Variants in CCDC102B observed in about 807,000 individuals in gnomAD.
CCDC102B encodes the protein coiled-coil domain-containing protein 102B.
In CCDC102B, 75 loss-of-function variants were observed where a neutral mutation model predicts 57.4. The ratio of observed to expected loss-of-function variants is 1.31; its 90% confidence interval spans 1.08 to 1.58. The LOEUF is 1.58. CCDC102B is among the 40% of genes most tolerant of loss of function. The pLI is 0.00. For synonymous variants in CCDC102B, 206 were observed against 201.9 expected, an observed-to-expected ratio of 1.02 and a Z score of -0.17; for missense variants, 636 against 582.6, an observed-to-expected ratio of 1.09 and a Z score of -0.94.
At chr18:68,923,532 A>G (rs1014536157) in intron 6 of CCDC102B, among the ~76,000 whole-genome samples, 3 of 152,016 alleles carry the variant, frequency 2.0e-5, no homozygotes, top group African/African-American at 7.2e-5. Context: ...TGAATATGAC[A>G]TCATAAAAAG....
At chr18:69,048,465 G>T (rs1018916391) in intron 7 of CCDC102B, among the ~76,000 whole-genome samples, 1 of 152,042 alleles carries the variant, frequency 6.6e-6, no homozygotes, top group Non-Finnish European at 1.5e-5. Flanking sequence ...ACAAATATGT[G>T]TGAGTTTGAT....
chr18:68,724,761 C>G (rs1015862090), intron 2 of CCDC102B, among the ~76,000 whole-genome samples: 2 of 152,176 alleles, frequency 1.3e-5, no homozygotes, highest in Admixed American at 6.5e-5. Flanking sequence ...AAGTTCCAAA[C>G]TTTCCCACAT....
At chr18:69,038,084 C>T (rs981445245) in intron 7 of CCDC102B, among the ~76,000 whole-genome samples, 1 of 151,944 alleles carries the variant, frequency 6.6e-6, no homozygotes, top group Admixed American at 6.6e-5. Context: ...ACAGCCACCT[C>T]TATCACTATT....
At chr18:68,791,962 A>G (rs1016594196) in intron 2 of CCDC102B, among the ~76,000 whole-genome samples, 17 of 152,162 alleles carry the variant, frequency 1.1e-4, no homozygotes, top group African/African-American at 4.1e-4. Context: ...GGTTTGCACA[A>G]CTAAATGTGC....
chr18:68,911,669 G>A lies in CCDC102B; in HGVS notation c.1263+14241G>A, dbSNP rs969791213. Among the ~76,000 whole-genome samples the A allele has an allele frequency of 5.7e-5, 8 of 139,560 alleles. No individual in the cohort carries two copies. The East Asian group carries it at 6.4e-4, about 11-fold the overall frequency. The allele number at this position is 139,560 out of a possible 152,430, so 91.6% of individuals were successfully genotyped here. ...CGAGAGGCTGAGGCAGGAGAATGGC[G>A]TGAACCCGGGAGGCGGAGCTTGCAG... On this transcript the variant is annotated intron_variant, in intron 6 of 7. Transcript: ENST00000360242.
intron 1 of CCDC102B, among the ~76,000 whole-genome samples, chr18:68,835,311 T>C (rs777173151): frequency 1.3e-5 from 2 of 152,194 alleles, no homozygotes; most frequent in East Asian, 1.9e-4. Flanking sequence ...TTCTAAGCGA[T>C]AGTCATAACT....
chr18:68,886,229 T>TA (rs2144976029), intron 5 of CCDC102B, among the ~76,000 whole-genome samples: 2 of 152,018 alleles, frequency 1.3e-5, no homozygotes, highest in South Asian at 4.1e-4. Flanking sequence ...CAAGAAATAA[T>TA]AGACATTATA....
chr18:68,765,309 G>GA (rs1292462197), intron 2 of CCDC102B, among the ~76,000 whole-genome samples: 8 of 62,630 alleles, frequency 1.3e-4, no homozygotes, highest in East Asian at 6.9e-4. Context: ...AGGAAGGAAG[G>GA]AAGGAAGGAA....
chr18:69,001,874 C>T (rs1437506023), intron 6 of CCDC102B, among the ~76,000 whole-genome samples: 1 of 152,168 alleles, frequency 6.6e-6, no homozygotes, highest in Admixed American at 6.5e-5. Context: ...TCCCCTTGTC[C>T]AGTTTCCCTG....
chr18:68,851,791 A>T (rs965324182), intron 4 of CCDC102B, among the ~76,000 whole-genome samples: 2 of 152,208 alleles, frequency 1.3e-5, no homozygotes, highest in African/African-American at 4.8e-5. Context: ...GACTAAAAAT[A>T]TATAAGGAGT....
At chr18:68,813,872 T>C (rs1203517483) in intron 1 of CCDC102B, among the ~76,000 whole-genome samples, 1 of 151,662 alleles carries the variant, frequency 6.6e-6, no homozygotes, top group Non-Finnish European at 1.5e-5. Flanking sequence ...AACGATGTGA[T>C]AGTATTTGGA....
At chr18:68,762,728 A>T (rs2034293668) in intron 2 of CCDC102B, among the ~76,000 whole-genome samples, 1 of 152,200 alleles carries the variant, frequency 6.6e-6, no homozygotes, top group South Asian at 2.1e-4. Flanking sequence ...GGAAAACAGA[A>T]TTCATGCTAC....
At chr18:68,944,000 G>T (rs371013039) in intron 6 of CCDC102B, among the ~76,000 whole-genome samples, 1 of 152,114 alleles carries the variant, frequency 6.6e-6, no homozygotes, top group Non-Finnish European at 1.5e-5. Context: ...ATGCTATGCC[G>T]GACAGGGACT....
intron 6 of CCDC102B, among the ~76,000 whole-genome samples, chr18:68,961,406 CA>C (rs2050045495): frequency 6.6e-6 from 1 of 151,768 alleles, no homozygotes; most frequent in African/African-American, 2.4e-5. Context: ...AGGATTATGA[CA>C]AAAATTTTTA....
At position 69,030,332 on chromosome 18, in the gene CCDC102B, T is replaced by G. The variant is rs577567677; in HGVS notation, c.1434+19228T>G. On this transcript the variant is annotated intron_variant, in intron 7 of 7. Transcript: ENST00000360242. ...ACCTATTGATATAAATCCTGATTATTTCAGATAATAGTCATCAATATTATA... is the reference window on the plus strand; with the variant it reads ...ACCTATTGATATAAATCCTGATTATGTCAGATAATAGTCATCAATATTATA... Among the ~76,000 whole-genome samples, 120 of 152,162 alleles carry G rather than the reference T, an allele frequency of 7.9e-4. 1 individual carries two copies. Among genetic ancestry groups the G allele is most frequent in the Admixed American group, 3.9e-4 (6 of 15,272 alleles).
chr18:68,849,269 C>A (rs927288228), intron 4 of CCDC102B, among the ~76,000 whole-genome samples: 2 of 152,074 alleles, frequency 1.3e-5, no homozygotes, highest in East Asian at 3.9e-4. Flanking sequence ...TACATCAAGG[C>A]AAGGTCCTTG....
intron 2 of CCDC102B, among the ~76,000 whole-genome samples, chr18:68,772,837 C>G (rs2034685895): frequency 6.6e-6 from 1 of 151,930 alleles, no homozygotes; most frequent in African/African-American, 2.4e-5. Context: ...CAGTGAAACC[C>G]TTTTCCAGAG....
At chr18:68,918,479 C>A (rs1414544378) in intron 6 of CCDC102B, among the ~76,000 whole-genome samples, 8 of 152,142 alleles carry the variant, frequency 5.3e-5, no homozygotes, top group African/African-American at 1.9e-4. Flanking sequence ...TATGGCCAAG[C>A]AACTGCATCA....
rs1416254113 is a variant in CCDC102B, at chr18:68,728,481, C to CAAGGTG, written c.-67+11891_-67+11896dup. Among the ~76,000 whole-genome samples the CAAGGTG allele has an allele frequency of 2.6e-5, 4 of 152,120 alleles. No homozygotes were observed. In the East Asian group the frequency reaches 7.7e-4, roughly 29 times the overall value. ...GTCCTCCTAGTTAAATTCCTCATGTCAAGGTGAAGCTTTCAGACTGTGCAC... is the reference window on the plus strand; with the variant it reads ...GTCCTCCTAGTTAAATTCCTCATGTCAAGGTGAAGGTGAAGCTTTCAGACTGTGCAC... On this transcript the variant is annotated intron_variant, in intron 2 of 3. Transcript: ENST00000578970.
Sources: gnomAD v4.1 joint callset for allele counts (sites outside exome capture counted in the v4.1 genomes callset) on GRCh38, gnomAD v4.1.1 for gene constraint, MANE v1.5 for transcripts, NCBI Gene and HGNC (gene_info 2026-07-23, HGNC 2026-07-21) for gene names.